Variants in ASCC3 observed in about 807,000 individuals in gnomAD.
ASCC3 encodes ASC-1 complex subunit P200.
A neutral mutation model predicts 256.3 loss-of-function variants in ASCC3; 158 were observed. The ratio of observed to expected loss-of-function variants is 0.62; its 90% confidence interval spans 0.54 to 0.70. The LOEUF (loss-of-function observed/expected upper bound fraction) is 0.70. ASCC3 is among the 30% of genes least tolerant of loss of function. ASCC3 has a pLI of 0.00. For synonymous variants in ASCC3, 948 were observed against 883.4 expected, an observed-to-expected ratio of 1.07 and a Z score of -1.30; for missense variants, 2,259 against 2,626.0, an observed-to-expected ratio of 0.86 and a Z score of 3.05.
chr6:100,823,225 AT>A (rs901784631), intron 4 of ASCC3, among the ~76,000 whole-genome samples: 4 of 152,132 alleles, frequency 2.6e-5, no homozygotes, highest in Non-Finnish European at 5.9e-5. Flanking sequence ...CTCACTCAAG[AT>A]TTGCACTACA....
intron 32 of ASCC3, among the ~76,000 whole-genome samples, chr6:100,606,120 C>T (rs1772873795): frequency 6.6e-6 from 1 of 151,898 alleles, no homozygotes; most frequent in Admixed American, 6.6e-5. Flanking sequence ...CCCATTTAGG[C>T]CTTGTCCTCC....
intron 10 of ASCC3, among the ~76,000 whole-genome samples, chr6:100,754,769 A>G (rs796328853): frequency 1.4e-4 from 21 of 152,142 alleles, no homozygotes; most frequent in African/African-American, 5.1e-4. Context: ...CATAATCCCC[A>G]TGTATTGTGT....
intron 25 of ASCC3, among the ~76,000 whole-genome samples, chr6:100,638,192 G>A (rs1211218947): frequency 6.6e-6 from 1 of 152,152 alleles, no homozygotes; most frequent in Middle Eastern, 3.2e-3. Flanking sequence ...CATCAACATT[G>A]AGGCAAAACC....
intron 3 of ASCC3, among the ~76,000 whole-genome samples, chr6:100,853,729 C>T (rs932901415): frequency 6.6e-6 from 1 of 152,164 alleles, no homozygotes; most frequent in Non-Finnish European, 1.5e-5. Context: ...TCCTAAAGGG[C>T]TGGGATTACA....
intron 29 of ASCC3, 23 bp downstream of exon 29, chr6:100,627,567 T>C (rs780966057): frequency 5.0e-6 from 8 of 1,612,504 alleles, no homozygotes; most frequent in Admixed American, 1.7e-5. Flanking sequence ...GTTACTATTT[T>C]ATTCCAAGAA....
chr6:100,804,094 T>C (rs752397910), intron 5 of ASCC3, among the ~76,000 whole-genome samples: 1 of 152,192 alleles, frequency 6.6e-6, no homozygotes, highest in African/African-American at 2.4e-5. Flanking sequence ...GGATTTAAAA[T>C]ATGTGTAATA....
chr6:100,661,359 A>ACACACACACACACAC (rs1491295311), intron 16 of ASCC3, among the ~76,000 whole-genome samples: 3 of 149,908 alleles, frequency 2.0e-5, no homozygotes, highest in Non-Finnish European at 4.5e-5. Context: ...ACACACACAC[A>ACACACACACACACAC]AAACAAATGA....
intron 4 of ASCC3, among the ~76,000 whole-genome samples, chr6:100,845,538 A>G (rs1384444836): frequency 6.6e-6 from 1 of 152,132 alleles, no homozygotes; most frequent in Non-Finnish European, 1.5e-5. Context: ...CTAACATCTT[A>G]ATCCAGCACT....
intron 3 of ASCC3, chr6:100,858,964 A>C: frequency 1.6e-6 from 1 of 644,070 alleles, no homozygotes; most frequent in East Asian, 2.7e-5. Context: ...TACCTTTTTA[A>C]ATGACATTAT....
chr6:100,643,098 A>T (rs1043887800), intron 23 of ASCC3, among the ~76,000 whole-genome samples: 2 of 152,064 alleles, frequency 1.3e-5, no homozygotes, highest in African/African-American at 4.8e-5. Context: ...TTTACTTAAT[A>T]TTTTTTGTTA....
intron 4 of ASCC3, among the ~76,000 whole-genome samples, chr6:100,826,275 G>A (rs1294225802): frequency 1.3e-5 from 2 of 152,040 alleles, no homozygotes; most frequent in South Asian, 4.2e-4. Flanking sequence ...GGGACTACAG[G>A]TGCCCACCAC....
intron 10 of ASCC3, among the ~76,000 whole-genome samples, chr6:100,739,221 C>CA (rs1373026177): frequency 1.3e-5 from 2 of 152,128 alleles, no homozygotes; most frequent in Non-Finnish European, 2.9e-5. Context: ...GTCTTTAGTT[C>CA]AGTTTATACA....
intron 18 of ASCC3, among the ~76,000 whole-genome samples, chr6:100,652,075 C>G (rs757284424): frequency 5.3e-5 from 8 of 151,824 alleles, no homozygotes; most frequent in Non-Finnish European, 1.0e-4. Context: ...CAAAATATTA[C>G]TAGTGAGGAC....
chr6:100,790,125 A>T (rs979498217), intron 8 of ASCC3, among the ~76,000 whole-genome samples: 2 of 152,026 alleles, frequency 1.3e-5, no homozygotes, highest in Non-Finnish European at 2.9e-5. Flanking sequence ...GGGACAGTTT[A>T]TATAAGCATT....
chr6:100,738,034 G>A (rs908961989), intron 10 of ASCC3, among the ~76,000 whole-genome samples: 2 of 152,154 alleles, frequency 1.3e-5, no homozygotes, highest in Non-Finnish European at 2.9e-5. Context: ...CTGGAGAAGT[G>A]TCTGTTCATG....
Position 100,536,587 on chromosome 6 carries a change from T to C in ASCC3, c.5775+3576A>G, listed in dbSNP as rs147905606. ...GCCTTGACCTCCTGGGTTCAAGCAA[T>C]TCTCTCACCTTGGCACCCCCTACCA... On this transcript the variant is annotated intron_variant, in intron 37 of 41. Transcript: ENST00000369162. Among the ~76,000 whole-genome samples the C allele has an allele frequency of 1.4e-4, 21 of 152,198 alleles. No homozygotes were observed. In the East Asian group the frequency reaches 4.1e-3, roughly 29 times the overall value.
chr6:100,642,791 T>C (rs1582620698), intron 23 of ASCC3, 42 bp from the exon 24 acceptor site: 2 of 1,523,140 alleles, frequency 1.3e-6, no homozygotes, highest in Non-Finnish European at 9.1e-7. Flanking sequence ...GATATTCTAA[T>C]AGCATAAAGG....
chr6:100,860,635 C>G (rs1178391591), intron 3 of ASCC3, among the ~76,000 whole-genome samples: 1 of 151,930 alleles, frequency 6.6e-6, no homozygotes, highest in African/African-American at 2.4e-5. Flanking sequence ...CCTGTAATAC[C>G]TGTTTCATTA....
chr6:100,874,302 C>T (rs1272578765), intron 1 of ASCC3, among the ~76,000 whole-genome samples: 1 of 151,922 alleles, frequency 6.6e-6, no homozygotes, highest in African/African-American at 2.4e-5. Flanking sequence ...CCCGTCTCTA[C>T]TAAAAATACA....
Sources: allele counts gnomAD v4.1 joint callset (sites outside exome capture counted in the v4.1 genomes callset), GRCh38; gene constraint gnomAD v4.1.1; transcripts MANE v1.5; gene names NCBI Gene and HGNC (gene_info 2026-07-23, HGNC 2026-07-21).